The following FGF12 variants were observed in gnomAD, a reference collection of about 807,000 sequenced individuals.
The protein encoded by FGF12 is fibroblast growth factor 12.
FGF12 carries 14 observed loss-of-function variants against 23.6 expected under a neutral mutation model. The observed-to-expected ratio is 0.59, with a 90% CI of 0.39 to 0.93. The LOEUF (loss-of-function observed/expected upper bound fraction) is 0.93, where lower values mean the gene tolerates loss of function less well. Ranked by LOEUF, FGF12 falls within the 40% of genes least tolerant of loss-of-function variation. The pLI is 0.00. For missense variants in FGF12, 175 were observed against 217.8 expected (o/e 0.80, Z 1.24); for synonymous variants, 62 against 77.3 (o/e 0.80, Z 1.04).
intron 2 of FGF12, among the ~76,000 whole-genome samples, chr3:192,602,955 CA>C (rs2108632818): frequency 6.6e-6 from 1 of 152,154 alleles, no homozygotes; most frequent in African/African-American, 2.4e-5. Context: ...TCTCAATAAA[CA>C]CAGGAAAAGC....
At chr3:192,669,581 A>T (rs1717029652) in intron 2 of FGF12, among the ~76,000 whole-genome samples, 1 of 121,368 alleles carries the variant, frequency 8.2e-6, no homozygotes, top group South Asian at 3.1e-4. Context: ...TCTAGCCTGG[A>T]GACAGAGAAA....
chr3:192,262,545 G>A (rs79796490), intron 4 of FGF12, among the ~76,000 whole-genome samples: 4,950 of 152,060 alleles, frequency 0.033, 103 homozygotes, highest in African/African-American at 0.059. Context: ...TATTTTTACC[G>A]TACCTTTCTA....
chr3:192,195,893 T>G (rs1560187943), intron 4 of FGF12, among the ~76,000 whole-genome samples: 1 of 152,212 alleles, frequency 6.6e-6, no homozygotes. Flanking sequence ...CTTTGCATTT[T>G]TCAAGAGTAC....
intron 2 of FGF12, among the ~76,000 whole-genome samples, chr3:192,442,282 G>A (rs543821596): frequency 5.9e-5 from 9 of 152,272 alleles, no homozygotes; most frequent in East Asian, 5.8e-4. Context: ...ACTGCATTGC[G>A]CACTGACTAT....
chr3:192,467,752 C>T (rs985589194), intron 2 of FGF12, among the ~76,000 whole-genome samples: 9 of 152,146 alleles, frequency 5.9e-5, no homozygotes, highest in African/African-American at 2.2e-4. Context: ...TGCCCAATGC[C>T]TCCCTGCTAG....
intron 2 of FGF12, among the ~76,000 whole-genome samples, chr3:192,385,542 A>G (rs1373937664): frequency 6.6e-6 from 1 of 152,144 alleles, no homozygotes; most frequent in Non-Finnish European, 1.5e-5. Flanking sequence ...AAAACAAAGC[A>G]GGACTGAGAG....
chr3:192,464,755 T>G (rs1226764859), intron 2 of FGF12, among the ~76,000 whole-genome samples: 1 of 152,152 alleles, frequency 6.6e-6, no homozygotes, highest in Non-Finnish European at 1.5e-5. Flanking sequence ...ACAACTGGAT[T>G]ACAGCTTTTT....
At chr3:192,636,701 C>T (rs552405056) in intron 2 of FGF12, among the ~76,000 whole-genome samples, 66 of 152,210 alleles carry the variant, frequency 4.3e-4, no homozygotes, top group African/African-American at 1.5e-3. Context: ...ATGAGGTAAC[C>T]TAGCCATACT....
At chr3:192,674,608 A>C (rs929920896) in intron 2 of FGF12, among the ~76,000 whole-genome samples, 4 of 152,300 alleles carry the variant, frequency 2.6e-5, no homozygotes, top group African/African-American at 9.6e-5. Flanking sequence ...GTTTTTAATT[A>C]TAATATTAAT....
intron 2 of FGF12, among the ~76,000 whole-genome samples, chr3:192,683,381 A>C (rs1403147697): frequency 6.6e-6 from 1 of 152,184 alleles, no homozygotes; most frequent in East Asian, 1.9e-4. Context: ...TGGACTCTAA[A>C]CACCTTCTAC....
intron 2 of FGF12, among the ~76,000 whole-genome samples, chr3:192,588,076 C>T (rs769016341): frequency 1.5e-4 from 22 of 151,596 alleles, no homozygotes; most frequent in Middle Eastern, 3.4e-3. Flanking sequence ...CCGGGCGCAG[C>T]AGCTCACGCC....
At chr3:192,296,217 C>T (rs1448451885) in intron 4 of FGF12, among the ~76,000 whole-genome samples, 2 of 148,122 alleles carry the variant, frequency 1.4e-5, no homozygotes, top group Admixed American at 6.7e-5. Flanking sequence ...ACAATGTTTT[C>T]ATTTTATTTT....
At chr3:192,171,896 C>CTCTCTTTCT (rs760003129) in intron 4 of FGF12, among the ~76,000 whole-genome samples, 1 of 152,072 alleles carries the variant, frequency 6.6e-6, no homozygotes, top group Non-Finnish European at 1.5e-5. Flanking sequence ...CTCTTTCTCT[C>CTCTCTTTCT]CCTCTCTCCT....
At chr3:192,660,091 C>T (rs1044672861) in intron 2 of FGF12, among the ~76,000 whole-genome samples, 1 of 151,668 alleles carries the variant, frequency 6.6e-6, no homozygotes, top group Non-Finnish European at 1.5e-5. Context: ...TTCACAATAG[C>T]AAAGACTTGG....
Position 192,140,018 on chromosome 3 carries a change from G to A in FGF12, c.*3991C>T, listed in dbSNP as rs1334979828. ...AATCACCAAAGTACTGAAGGAACAC[G>A]TGCTTTGATTATTATTCCCACCTGT... On this transcript the variant is annotated 3_prime_UTR_variant, in exon 6 of 6. Transcript: ENST00000445105. The A allele has an allele frequency of 1.3e-5, 2 of 151,954 alleles. No individual in the cohort carries two copies. Among genetic ancestry groups the A allele is most frequent in the Non-Finnish European group, 2.9e-5 (2 of 67,922 alleles). The allele number at this position is 151,954 out of a possible 1,614,324, so 9.4% of individuals were successfully genotyped here. A position where few individuals can be genotyped will look rare whatever the true frequency, so the allele number is the denominator to read the frequency against.
chr3:192,686,763 C>A (rs527795781), intron 2 of FGF12, among the ~76,000 whole-genome samples: 1 of 143,868 alleles, frequency 7.0e-6, no homozygotes, highest in South Asian at 2.2e-4. Context: ...ACGTTCTGCA[C>A]ATGTAATCGA....
At chr3:192,406,715 C>A (rs899557034) in intron 2 of FGF12, among the ~76,000 whole-genome samples, 2 of 152,162 alleles carry the variant, frequency 1.3e-5, no homozygotes, top group African/African-American at 2.4e-5. Flanking sequence ...ATGGAGTGGA[C>A]AATGTCATGA....
Position 192,379,157 on chromosome 3 carries a change from G to A in FGF12, c.14-18619C>T, listed in dbSNP as rs75804984. Among the ~76,000 whole-genome samples, 657 of 152,144 alleles carry A rather than the reference G, an allele frequency of 4.3e-3. 3 individuals are homozygous for A. Among genetic ancestry groups the A allele is most frequent in the African/African-American group, 0.015 (619 of 41,520 alleles). ...CATTTTCTTTATCCAATCCACCATC[G>A]ATGGGTATTTAGGTCGATTGTATGA... On this transcript the variant is annotated intron_variant, in intron 2 of 5. Transcript: ENST00000445105.
chr3:192,595,849 C>G (rs1014413602), intron 2 of FGF12, among the ~76,000 whole-genome samples: 2 of 152,082 alleles, frequency 1.3e-5, no homozygotes, highest in Non-Finnish European at 2.9e-5. Context: ...AATCCCAGTA[C>G]TTTGGGAGGC....
Sources: allele counts gnomAD v4.1 joint callset (sites outside exome capture counted in the v4.1 genomes callset), GRCh38; gene constraint gnomAD v4.1.1; transcripts MANE v1.5; gene names NCBI Gene and HGNC (gene_info 2026-07-23, HGNC 2026-07-21).